AUNIP: variants seen among roughly 807,000 people sequenced by gnomAD.
AUNIP encodes the protein aurora kinase A and ninein interacting protein, also known as aurora kinase A- and ninein-interacting protein.
In AUNIP, 16 loss-of-function variants were observed where a neutral mutation model predicts 12.2. The observed-to-expected ratio is 1.31, with a 90% confidence interval of 0.88 to 1.99. AUNIP has a LOEUF of 1.99. Ranked by LOEUF, AUNIP falls within the 30% of genes most tolerant of loss-of-function variation. The pLI is 0.00. For synonymous variants in AUNIP, 142 were observed against 154.8 expected, an observed-to-expected ratio of 0.92 and a Z score of 0.61; for missense variants, 411 against 419.1, an observed-to-expected ratio of 0.98 and a Z score of 0.17.
At chr1:25,844,242 G>T (rs1479723789) in intron 1 of AUNIP, among the ~76,000 whole-genome samples, 4 of 152,154 alleles carry the variant, frequency 2.6e-5, no homozygotes, top group Admixed American at 1.3e-4. Context: ...GAGTAGCTGG[G>T]ATTATAGGTG....
chr1:25,834,897 C>T lies in AUNIP; in HGVS notation c.*96G>A. ...TGACAACTTCATCCCATGCCACCTT[C>T]CCACCTAAACAAACTCACTCCTCTC... On this transcript the variant is annotated 3_prime_UTR_variant, in exon 3 of 3. Transcript: ENST00000374298. The T allele has an allele frequency of 2.6e-6, 4 of 1,522,032 alleles. No individual in the cohort carries two copies. Among genetic ancestry groups the T allele is most frequent in the Non-Finnish European group, 3.5e-6 (4 of 1,140,994 alleles). 94.3% of individuals were successfully genotyped at this position (1,522,032 alleles called of 1,614,324 possible). A position where few individuals can be genotyped will look rare whatever the true frequency, so the allele number is the denominator to read the frequency against.
At chr1:25,853,541 G>A (rs543688729) in intron 1 of AUNIP, among the ~76,000 whole-genome samples, 9 of 152,294 alleles carry the variant, frequency 5.9e-5, no homozygotes, top group Non-Finnish European at 8.8e-5. Context: ...AGTTTGCAGC[G>A]AGCTGAGATC....
chr1:25,832,258 G>A (rs2048255401), downstream of AUNIP: 3 of 1,240,268 alleles, frequency 2.4e-6, no homozygotes, highest in Non-Finnish European at 3.4e-6. Flanking sequence ...AGGTAATCGT[G>A]TAGAATGAAG....
At chr1:25,850,735 C>T (rs1184696071) in intron 1 of AUNIP, among the ~76,000 whole-genome samples, 1 of 152,076 alleles carries the variant, frequency 6.6e-6, no homozygotes, top group South Asian at 2.1e-4. Context: ...TACGGAAGTA[C>T]AATTGATTTT....
intron 1 of AUNIP, among the ~76,000 whole-genome samples, chr1:25,855,605 C>G (rs1225034592): frequency 6.6e-6 from 1 of 152,166 alleles, no homozygotes; most frequent in Non-Finnish European, 1.5e-5. Flanking sequence ...ACATAGACTA[C>G]TATTGTCTAC....
At chr1:25,851,418 A>T (rs927396117) in intron 1 of AUNIP, among the ~76,000 whole-genome samples, 1 of 151,992 alleles carries the variant, frequency 6.6e-6, no homozygotes, top group African/African-American at 2.4e-5. Flanking sequence ...CTTCTATTCT[A>T]TTTTTTTGAG....
chr1:25,859,075 C>T (rs895916430), intron 1 of AUNIP, among the ~76,000 whole-genome samples: 5 of 152,074 alleles, frequency 3.3e-5, no homozygotes, highest in African/African-American at 1.2e-4. Flanking sequence ...CACGCTCTTT[C>T]CTTCCGTCCC....
chr1:25,849,238 T>A (rs1441950954), intron 1 of AUNIP, among the ~76,000 whole-genome samples: 1 of 152,254 alleles, frequency 6.6e-6, no homozygotes, highest in Non-Finnish European at 1.5e-5. Context: ...GTCTTTCTTT[T>A]CATTTTAACA....
In AUNIP at chr1:25,835,301, C is replaced by T; in HGVS notation, c.766G>A (p.Gly256Arg). Reference protein sequence around the residue: ...LLQTYRESWNGENIESVKQSR... With the variant: ...LLQTYRESWNRENIESVKQSR... ...TGTTTCACTGATTCTATGTTTTCTCCATTCCAGGATTCCCTGTATGTTTGA... is the reference window on the plus strand; with the variant it reads ...TGTTTCACTGATTCTATGTTTTCTCTATTCCAGGATTCCCTGTATGTTTGA... Residue 256 changes from glycine (G) to arginine (R), a missense_variant, in exon 3 of 3, where the codon GGA (glycine) becomes AGA (arginine). Coordinates refer to ENST00000374298, the MANE Select transcript of AUNIP (RefSeq NM_024037.3). 6.2e-7 allele frequency: 1 copy of T among 1,614,222 alleles called. No individual in the cohort carries two copies. Among genetic ancestry groups the T allele is most frequent in the Non-Finnish European group, 8.5e-7 (1 of 1,180,048 alleles).
Position 25,847,639 on chromosome 1 carries a change from G to T in AUNIP, c.79-10085C>A, listed in dbSNP as rs985375743. ...GAGCGTACCTATACTTTTATATAGA[G>T]AGAGACTAATAAACCAAAATAAAAA... is the stretch of plus-strand genomic sequence containing the variant. On this transcript the variant is annotated intron_variant, in intron 1 of 2. Transcript: ENST00000374298. The surrounding 1 kb of genome is among the most constrained non-coding windows in gnomAD (Gnocchi z 4.2). Among the ~76,000 whole-genome samples, 1 of 151,930 alleles carries T rather than the reference G, an allele frequency of 6.6e-6. No homozygotes were observed. The highest frequency in any genetic ancestry group is 6.6e-5 in the Admixed American group (1 of 15,230).
At chr1:25,857,516 T>C (rs1232030210) in intron 1 of AUNIP, among the ~76,000 whole-genome samples, 1 of 148,472 alleles carries the variant, frequency 6.7e-6, no homozygotes, top group East Asian at 2.2e-4. Flanking sequence ...CCCAAAGTAC[T>C]AGGATTACAG....
At position 25,844,194 on chromosome 1, in the gene AUNIP, C is replaced by T. The variant is rs183026266; in HGVS notation, c.79-6640G>A. Among the ~76,000 whole-genome samples, 139 of 152,270 alleles carry T rather than the reference C, an allele frequency of 9.1e-4. No individual in the cohort carries two copies. In the South Asian group the frequency reaches 0.012, roughly 13 times the overall value. The stretch of plus-strand genomic sequence containing the variant: ...CAATCTCGGCTCACTGCAACCTCCA[C>T]CTCCCGGGTTCAAGCGATTCTCCTG... On this transcript the variant is annotated intron_variant, in intron 1 of 2. Coordinates refer to ENST00000374298, the MANE Select transcript of AUNIP (RefSeq NM_024037.3).
intron 1 of AUNIP, among the ~76,000 whole-genome samples, chr1:25,840,552 T>C (rs1369947083): frequency 6.6e-6 from 1 of 152,350 alleles, no homozygotes; most frequent in East Asian, 1.9e-4. Flanking sequence ...ATGTTCTTCT[T>C]ATGTGACTAT....
At chr1:25,854,217 T>C (rs372465726) in intron 1 of AUNIP, among the ~76,000 whole-genome samples, 3 of 151,800 alleles carry the variant, frequency 2.0e-5, no homozygotes, top group East Asian at 3.9e-4. Flanking sequence ...CTCAAAAAAA[T>C]AAACAAACAA....
intron 1 of AUNIP, among the ~76,000 whole-genome samples, chr1:25,846,288 G>A (rs939685940): frequency 4.6e-5 from 7 of 151,662 alleles, no homozygotes; most frequent in Middle Eastern, 3.2e-3. Flanking sequence ...GCATGGTGGC[G>A]TGCACCTGTA....
intron 1 of AUNIP, among the ~76,000 whole-genome samples, chr1:25,843,292 T>A (rs994136133): frequency 6.6e-6 from 1 of 151,098 alleles, no homozygotes; most frequent in Non-Finnish European, 1.5e-5. Context: ...GTTAACACAA[T>A]ATTCATTCTG....
Position 25,834,460 on chromosome 1 carries a change from A to G in AUNIP, c.*533T>C, listed in dbSNP as rs1421237586. The G allele has an allele frequency of 1.8e-5, 13 of 739,162 alleles. No individual in the cohort carries two copies. The highest frequency in any genetic ancestry group is 3.3e-6 in the Non-Finnish European group (2 of 606,040). 45.8% of individuals were successfully genotyped at this position (739,162 alleles called of 1,614,324 possible). On this transcript the variant is annotated 3_prime_UTR_variant, in exon 3 of 3. Coordinates refer to ENST00000374298, the MANE Select transcript of AUNIP (RefSeq NM_024037.3). ...GAAACCTCGTCTCTACTAAAAATCC[A>G]AAAAAAATTAGCTGGGCGTGGTGGC...
rs746884388 is a variant in AUNIP, at chr1:25,834,981, AG to A, written c.*11del. On this transcript the variant is annotated 3_prime_UTR_variant, in exon 3 of 3. Coordinates refer to ENST00000374298, the MANE Select transcript of AUNIP (RefSeq NM_024037.3). ...CATTTCAAGGTACTTTTAGAAACAA[AG>A]CTTCAAACATTTAGAATTGGTGTCT... 6.9e-6 allele frequency: 11 copies of A among 1,591,156 alleles called. No homozygotes were observed. In the African/African-American group the frequency reaches 1.2e-4, roughly 18 times the overall value.
intron 1 of AUNIP, among the ~76,000 whole-genome samples, chr1:25,841,529 AT>A (rs745635979): frequency 0.012 from 1,659 of 140,990 alleles, 8 homozygotes; most frequent in African/African-American, 0.026. Flanking sequence ...GTGATCAGTG[AT>A]TTTTTTTTTT....
Sources: allele counts gnomAD v4.1 joint callset (sites outside exome capture counted in the v4.1 genomes callset), GRCh38; gene constraint gnomAD v4.1.1; non-coding constraint Gnocchi (gnomAD v3.1); transcripts MANE v1.5; gene names NCBI Gene and HGNC (gene_info 2026-07-23, HGNC 2026-07-21).